ASNSD1: variants seen among roughly 807,000 people sequenced by gnomAD.
ASNSD1 encodes the protein asparagine synthetase domain-containing protein 1.
ASNSD1 carries 36 observed loss-of-function variants against 48.3 expected under a neutral mutation model. The ratio of observed to expected loss-of-function variants is 0.75; its 90% CI spans 0.57 to 0.99. ASNSD1 has a LOEUF of 0.99. Ranked by LOEUF, ASNSD1 falls within the 50% of genes least tolerant of loss-of-function variation. The pLI, the probability that ASNSD1 is intolerant of heterozygous loss-of-function variation, is 0.00. For missense variants in ASNSD1, 714 were observed against 758.2 expected, an observed-to-expected ratio of 0.94 and a Z score of 0.69; for synonymous variants, 257 against 262.1, an observed-to-expected ratio of 0.98 and a Z score of 0.19.
At chr2:189,667,704 C>A in intron 4 of ASNSD1, 60 bp from the exon 5 acceptor site, 1 of 1,544,620 alleles carries the variant, frequency 6.5e-7, no homozygotes, top group African/African-American at 1.4e-5. Flanking sequence ...GTGCATTTAT[C>A]TTATTTTCTT....
At chr2:189,664,799 G>A (rs1232699128) in intron 2 of ASNSD1, among the ~76,000 whole-genome samples, 1 of 145,564 alleles carries the variant, frequency 6.9e-6, no homozygotes, top group African/African-American at 2.5e-5. Context: ...TCTCTAGAGG[G>A]CAAATTGGCA....
At position 189,670,587 on chromosome 2, in the gene ASNSD1, T is replaced by C. The variant is rs753054982; in HGVS notation, c.1793T>C (p.Leu598Pro). 4 of 1,614,114 alleles carry C rather than the reference T, an allele frequency of 2.5e-6. No individual in the cohort carries two copies. In the Admixed American group the frequency reaches 6.7e-5, roughly 27 times the overall value. Residue 598 changes from leucine to proline, a missense_variant, in exon 6 of 6, where the codon CTT becomes CCT. Leu to Pro is a moderately conservative substitution (Grantham distance 98, BLOSUM62 -3). Coordinates refer to ENST00000260952, the MANE Select transcript of ASNSD1 (RefSeq NM_019048.4). Reference protein sequence around the residue: ...AVELGLTASALLPKRAMQFGS... With the variant: ...AVELGLTASAPLPKRAMQFGS... ...GAACTTGGTCTTACAGCCTCTGCTCTTCTGCCCAAACGGGCCATGCAGTTT... is the reference window on the plus strand; with the variant it reads ...GAACTTGGTCTTACAGCCTCTGCTCCTCTGCCCAAACGGGCCATGCAGTTT...
chr2:189,669,526 TTTGA>T (rs1050044482), intron 5 of ASNSD1, among the ~76,000 whole-genome samples: 8 of 152,266 alleles, frequency 5.3e-5, no homozygotes, highest in Non-Finnish European at 1.2e-4. Flanking sequence ...AGTGTGTTGA[TTTGA>T]TTCTCTAGTT....
Position 189,661,500 on chromosome 2 carries a change from C to A in ASNSD1, c.-333C>A. The A allele has an allele frequency of 2.5e-6, 1 of 399,214 alleles. No individual in the cohort carries two copies. Among genetic ancestry groups the A allele is most frequent in the Non-Finnish European group, 4.4e-6 (1 of 226,186 alleles). 24.7% of individuals were successfully genotyped at this position (399,214 alleles called of 1,614,324 possible). A position where few individuals can be genotyped will look rare whatever the true frequency, so the allele number is the denominator to read the frequency against. ...GCTCCTTCAGGGCTGAGCCATCCCG[C>A]GTGTCTTGCGCTCGGTGGAAATGCC... On this transcript the variant is annotated 5_prime_UTR_variant, in exon 1 of 6. Transcript: ENST00000260952.
Position 189,667,196 on chromosome 2 carries a change from C to T in ASNSD1, c.1064C>T (p.Ala355Val). The T allele has an allele frequency of 6.2e-7, 1 of 1,614,138 alleles. No homozygotes were observed. The highest frequency in any genetic ancestry group is 8.5e-7 in the Non-Finnish European group (1 of 1,180,014). ...GAACCAATTGATCTTCTTAATGTAG[C>T]TTTCATAGCTGAAGAAAAGACCATG... ...LDEPIDLLNV[A>V]FIAEEKTMPT... The change falls in exon 4 of 6, where the codon GCT (alanine) becomes GTT (valine). Residue 355 changes from alanine to valine, a missense_variant. Coordinates refer to ENST00000260952, the MANE Select transcript of ASNSD1 (RefSeq NM_019048.4).
rs184060419 is a variant in ASNSD1 at position 189,666,109 on chromosome 2, T to C, written c.-24T>C. ...CTTAGACAAGACCAAAATCAAGAAA[T>C]AGTCAACCTGATTTCACATAACAAT... On this transcript the variant is annotated 5_prime_UTR_variant, in exon 4 of 6. An upstream open reading frame in the 5' UTR loses its in-frame stop. Transcript: ENST00000260952. The C allele has an allele frequency of 2.8e-4, 417 of 1,501,120 alleles. 11 individuals are homozygous for C. The Admixed American group carries it at 9.9e-3, about 35-fold the overall frequency. The allele number at this position is 1,501,120 out of a possible 1,614,324, so 93.0% of individuals were successfully genotyped here. A position where few individuals can be genotyped will look rare whatever the true frequency, so the allele number is the denominator to read the frequency against.
intron 5 of ASNSD1, 86 bp downstream of exon 5, chr2:189,668,031 T>C (rs2032853186): frequency 7.7e-7 from 1 of 1,292,596 alleles, no homozygotes; most frequent in Non-Finnish European, 1.1e-6. Flanking sequence ...GTTTTCTCTT[T>C]GGAGACTGTT....
Position 189,666,403 on chromosome 2 carries a change from G to C in ASNSD1, c.271G>C (p.Asp91His). 1 of 1,613,998 alleles carries C rather than the reference G, an allele frequency of 6.2e-7. No homozygotes were observed. Among genetic ancestry groups the C allele is most frequent in the Non-Finnish European group, 8.5e-7 (1 of 1,179,988 alleles). Reference protein sequence around the residue: ...SGIKVEAEENDTQILFNYLSS... With the variant: ...SGIKVEAEENHTQILFNYLSS... ...AATAAAGGTTGAAGCTGAAGAGAAT[G>C]ACACTCAAATTTTGTTTAATTATCT... Residue 91 changes from aspartate to histidine, a missense_variant, in exon 4 of 6, where the codon GAC (aspartate) becomes CAC (histidine). Transcript: ENST00000260952.
intron 2 of ASNSD1, among the ~76,000 whole-genome samples, chr2:189,664,191 T>C (rs1327297433): frequency 6.6e-6 from 1 of 152,228 alleles, no homozygotes; most frequent in Admixed American, 6.5e-5. Flanking sequence ...CAAATGATAC[T>C]AGTTGTATTT....
rs1378720269 is a variant in ASNSD1, at chr2:189,670,477, A to G, written c.1683A>G (p.Leu561=). ...TGGATGAAAATGTTGTCTCCTTTCT[A>G]AATTCTCTGCCGATTTGGGAAAAAG... ...PFLDENVVSF[L]NSLPIWEKAN... The change falls in exon 6 of 6, where the codon CTA becomes CTG. Residue 561 remains leucine, a synonymous_variant. Transcript: ENST00000260952. 6.2e-7 allele frequency: 1 copy of G among 1,612,620 alleles called. No homozygotes were observed. Among genetic ancestry groups the G allele is most frequent in the Non-Finnish European group, 8.5e-7 (1 of 1,179,100 alleles).
In ASNSD1 at chr2:189,667,809, T is replaced by G. The variant is rs753543221; in HGVS notation, c.1510T>G (p.Ser504Ala). 6.2e-7 allele frequency: 1 copy of G among 1,614,076 alleles called. No individual in the cohort carries two copies. The highest frequency in any genetic ancestry group is 8.5e-7 in the Non-Finnish European group (1 of 1,180,006). ...IGADEQLAGY[S>A]RHRVRFQSHG... ...TGCAGATGAGCAACTTGCAGGTTAT[T>G]CTCGTCATCGTGTCCGCTTTCAGTC... Residue 504 changes from serine (S) to alanine (A), a missense_variant, in exon 5 of 6, where the codon TCT becomes GCT. By Grantham distance (99) the Ser-to-Ala change is moderately conservative. Transcript: ENST00000260952.
Position 189,667,934 on chromosome 2 carries a change from A to G in ASNSD1, c.1635A>G (p.Gly545=), listed in dbSNP as rs759088820. 2 of 1,609,830 alleles carry G rather than the reference A, an allele frequency of 1.2e-6. No individual in the cohort carries two copies. Among genetic ancestry groups the G allele is most frequent in the Admixed American group, 1.7e-5 (1 of 58,934 alleles). ...GRDDRVIGDH[G]KEARFPFLDE... Reference sequence around the variant, plus strand: ...ATGACAGAGTTATTGGTGATCATGGAAAAGAAGCAAGGTAATTCTAATCAT... The same window carrying G: ...ATGACAGAGTTATTGGTGATCATGGGAAAGAAGCAAGGTAATTCTAATCAT... Residue 545 remains glycine (G), a synonymous_variant, in exon 5 of 6, where the codon GGA becomes GGG. Transcript: ENST00000260952.
rs866862942 is a variant in ASNSD1 at position 189,662,225 on chromosome 2, G to A, written c.-223+615G>A. Reference sequence around the variant, plus strand: ...ACTCATACCAAACTGGGGGAGAGAGGAAGCCAATATAATATAAGCCTTAAC... The same window carrying A: ...ACTCATACCAAACTGGGGGAGAGAGAAAGCCAATATAATATAAGCCTTAAC... On this transcript the variant is annotated intron_variant, in intron 1 of 5. Coordinates refer to ENST00000260952, the MANE Select transcript of ASNSD1 (RefSeq NM_019048.4). Among the ~76,000 whole-genome samples the A allele has an allele frequency of 5.1e-4, 78 of 152,276 alleles. No homozygotes were observed. In the Middle Eastern group the frequency reaches 0.01, roughly 20 times the overall value.
intron 5 of ASNSD1, among the ~76,000 whole-genome samples, chr2:189,669,087 A>C (rs1298045634): frequency 6.6e-5 from 10 of 152,014 alleles, no homozygotes; most frequent in Non-Finnish European, 1.3e-4. Context: ...CTTTGACTTC[A>C]TTGTTTCTTG....
chr2:189,662,131 T>C (rs1370592648), intron 1 of ASNSD1, among the ~76,000 whole-genome samples: 1 of 152,216 alleles, frequency 6.6e-6, no homozygotes, highest in African/African-American at 2.4e-5. Context: ...CGGTCTCTCC[T>C]CATCCACCTG....
chr2:189,670,634 G>A lies in ASNSD1; in HGVS notation c.1840G>A (p.Glu614Lys). ...GTTTGGATCAAGAATTGCAAAAATGGAAAAAATTAATGAAAAGGCATCTGA... is the reference window on the plus strand; with the variant it reads ...GTTTGGATCAAGAATTGCAAAAATGAAAAAAATTAATGAAAAGGCATCTGA... ...MQFGSRIAKM[E>K]KINEKASDKC... Residue 614 changes from glutamate to lysine, a missense_variant, in exon 6 of 6, where the codon GAA (glutamate) becomes AAA (lysine). Transcript: ENST00000260952. 6.2e-7 allele frequency: 1 copy of A among 1,613,802 alleles called. No individual in the cohort carries two copies. The highest frequency in any genetic ancestry group is 1.1e-5 in the South Asian group (1 of 91,024).
intron 5 of ASNSD1, among the ~76,000 whole-genome samples, chr2:189,670,025 T>A (rs977781453): frequency 6.6e-6 from 1 of 152,056 alleles, no homozygotes. Context: ...ATCATGCTCG[T>A]AGGCTAGGTG....
chr2:189,668,904 A>G (rs2032868170), intron 5 of ASNSD1, among the ~76,000 whole-genome samples: 1 of 152,280 alleles, frequency 6.6e-6, no homozygotes, highest in African/African-American at 2.4e-5. Flanking sequence ...AACATTAAGT[A>G]AGGATAAAGG....
In ASNSD1 at chr2:189,663,706, A is replaced by G. The variant is rs531889082; in HGVS notation, c.-222-195A>G. Among the ~76,000 whole-genome samples, 4 of 152,168 alleles carry G rather than the reference A, an allele frequency of 2.6e-5. No homozygotes were observed. In the South Asian group the frequency reaches 8.3e-4, roughly 31 times the overall value. On this transcript the variant is annotated intron_variant, in intron 1 of 5. Coordinates refer to ENST00000260952, the MANE Select transcript of ASNSD1 (RefSeq NM_019048.4). ...GTCTAATCACTGTTTTTTCTCCTCC[A>G]GCTTTTCCTGAACTGTACCCCCACA... is the stretch of plus-strand genomic sequence containing the variant.
Sources: gnomAD v4.1 joint callset for allele counts (sites outside exome capture counted in the v4.1 genomes callset) on GRCh38, gnomAD v4.1.1 for gene constraint, MANE v1.5 for transcripts, NCBI Gene and HGNC (gene_info 2026-07-23, HGNC 2026-07-21) for gene names.